Variants in PDE3B observed in about 807,000 individuals in gnomAD.
PDE3B encodes the protein phosphodiesterase 3B.
A neutral mutation model predicts 116.8 loss-of-function variants in PDE3B; 66 were observed. The observed-to-expected ratio is 0.56, with a 90% CI of 0.46 to 0.69. The LOEUF (loss-of-function observed/expected upper bound fraction) is 0.69, where lower values mean the gene tolerates loss of function less well. PDE3B is among the 30% of genes least tolerant of loss of function. The pLI is 0.00. For missense variants in PDE3B, 1,384 were observed against 1,368.1 expected, an observed-to-expected ratio of 1.01 and a Z score of -0.18; for synonymous variants, 595 against 533.6, an observed-to-expected ratio of 1.12 and a Z score of -1.59.
intron 1 of PDE3B, among the ~76,000 whole-genome samples, chr11:14,706,520 T>G (rs914863134): frequency 5.3e-5 from 8 of 151,974 alleles, no homozygotes; most frequent in African/African-American, 1.9e-4. Flanking sequence ...TGCGGGCACA[T>G]AGTAACTACT....
intron 1 of PDE3B, among the ~76,000 whole-genome samples, chr11:14,760,856 A>G (rs1857342186): frequency 6.6e-6 from 1 of 152,208 alleles, no homozygotes; most frequent in Non-Finnish European, 1.5e-5. Context: ...ACATTGTGTA[A>G]CAATCAAATC....
intron 1 of PDE3B, among the ~76,000 whole-genome samples, chr11:14,735,085 A>T (rs1356532544): frequency 6.6e-6 from 1 of 152,170 alleles, no homozygotes; most frequent in Admixed American, 6.5e-5. Context: ...TGCAGAGATG[A>T]TGTCATATTT....
chr11:14,832,325 A>G (rs1859910657), intron 9 of PDE3B, among the ~76,000 whole-genome samples: 1 of 152,232 alleles, frequency 6.6e-6, no homozygotes, highest in South Asian at 2.1e-4. Context: ...ATTTTGTGAA[A>G]TATATAAGTT....
chr11:14,892,302 C>G, the PDE3B span: 1 of 1,214,366 alleles, frequency 8.2e-7, no homozygotes, highest in Non-Finnish European at 1.2e-6. Context: ...CCCTCAGGTC[C>G]CGCCCTAGCT....
At chr11:14,790,082 C>A (rs1167509564) in intron 4 of PDE3B, among the ~76,000 whole-genome samples, 2 of 151,890 alleles carry the variant, frequency 1.3e-5, no homozygotes, top group Non-Finnish European at 2.9e-5. Flanking sequence ...CAGTAGATGG[C>A]AGGATTGGAT....
chr11:14,748,616 C>T (rs1411371629), intron 1 of PDE3B, among the ~76,000 whole-genome samples: 1 of 152,120 alleles, frequency 6.6e-6, no homozygotes, highest in African/African-American at 2.4e-5. Context: ...ACCCAAATAG[C>T]AGAATGGTTA....
intron 3 of PDE3B, 95 bp downstream of exon 3, chr11:14,786,780 G>A (rs965522488): frequency 4.8e-5 from 49 of 1,018,064 alleles, no homozygotes; most frequent in South Asian, 1.3e-4. Context: ...TACAATTTTC[G>A]TTTCAAGGAT....
chr11:14,847,259 G>A (rs1847628797), intron 12 of PDE3B, among the ~76,000 whole-genome samples: 1 of 151,612 alleles, frequency 6.6e-6, no homozygotes, highest in African/African-American at 2.4e-5. Flanking sequence ...ATAATGAAAT[G>A]AAGGCAGAAA....
intron 12 of PDE3B, among the ~76,000 whole-genome samples, chr11:14,857,238 T>C (rs1397105382): frequency 2.0e-5 from 3 of 152,196 alleles, no homozygotes; most frequent in Non-Finnish European, 2.9e-5. Context: ...GGATGTTAGT[T>C]TATTGCAGCT....
At chr11:14,672,336 A>G (rs537964948) in intron 1 of PDE3B, among the ~76,000 whole-genome samples, 1 of 152,066 alleles carries the variant, frequency 6.6e-6, no homozygotes, top group Non-Finnish European at 1.5e-5. Flanking sequence ...TAAGTGCAAT[A>G]AGGTAAGCTA....
intron 5 of PDE3B, among the ~76,000 whole-genome samples, chr11:14,808,926 C>A (rs914753884): frequency 1.3e-5 from 2 of 152,084 alleles, no homozygotes; most frequent in Non-Finnish European, 2.9e-5. Context: ...ATTAAGATGG[C>A]AATATTCTTT....
intron 2 of PDE3B, chr11:14,774,397 T>G (rs1590132756): frequency 6.6e-6 from 1 of 152,194 alleles, no homozygotes; most frequent in East Asian, 1.9e-4. Context: ...TGGGCCAATA[T>G]TATATAAATT....
the PDE3B span, chr11:14,880,578 A>G: frequency 6.2e-7 from 1 of 1,613,380 alleles, no homozygotes; most frequent in Non-Finnish European, 8.5e-7. Context: ...TGTTTGAAAC[A>G]GCATTCGTTA....
At chr11:14,822,083 T>G (rs1422260478) in intron 7 of PDE3B, among the ~76,000 whole-genome samples, 3 of 152,072 alleles carry the variant, frequency 2.0e-5, no homozygotes, top group Non-Finnish European at 4.4e-5. Flanking sequence ...AATTTTTTTT[T>G]GTAGAGATGA....
At chr11:14,880,639 T>C in the PDE3B span, 130 of 1,598,588 alleles carry the variant, frequency 8.1e-5, 1 homozygote, top group Middle Eastern at 3.3e-4. Context: ...AATAGCATCA[T>C]TGAAAAATTT....
intron 1 of PDE3B, among the ~76,000 whole-genome samples, chr11:14,770,311 T>C (rs1245240523): frequency 6.6e-6 from 1 of 151,388 alleles, no homozygotes; most frequent in Admixed American, 6.6e-5. Context: ...GAATGGAGAA[T>C]AGGGTAGTTG....
Position 14,869,844 on chromosome 11 carries a change from G to A in PDE3B, c.*184G>A. The A allele has an allele frequency of 1.9e-6, 1 of 536,558 alleles. No homozygotes were observed. Among genetic ancestry groups the A allele is most frequent in the South Asian group, 2.9e-5 (1 of 34,638 alleles). The allele number at this position is 536,558 out of a possible 1,614,324, so 33.2% of individuals were successfully genotyped here. ...TTCCCACTCCTATGCACTTTCACAG[G>A]AACTAGAAAACTATTCTTAAACCAA... On this transcript the variant is annotated 3_prime_UTR_variant, in exon 16 of 16. Transcript: ENST00000282096.
intron 1 of PDE3B, among the ~76,000 whole-genome samples, chr11:14,692,133 G>A (rs1038494157): frequency 2.0e-5 from 3 of 152,034 alleles, no homozygotes; most frequent in African/African-American, 7.2e-5. Flanking sequence ...AATCAGCCAG[G>A]CATGGTGGCA....
chr11:14,792,056 A>T (rs926014934), intron 4 of PDE3B, among the ~76,000 whole-genome samples: 1 of 151,996 alleles, frequency 6.6e-6, no homozygotes, highest in African/African-American at 2.4e-5. Context: ...AGAGCTGACT[A>T]TGTATAGTTT....
Sources: gnomAD v4.1 joint callset for allele counts (sites outside exome capture counted in the v4.1 genomes callset) on GRCh38, gnomAD v4.1.1 for gene constraint, MANE v1.5 for transcripts, NCBI Gene and HGNC (gene_info 2026-07-23, HGNC 2026-07-21) for gene names.